DGKB: variants seen among roughly 807,000 people sequenced by gnomAD.
DGKB encodes 90 kDa diacylglycerol kinase.
In DGKB, 67 loss-of-function variants were observed where a neutral mutation model predicts 114.3. The observed-to-expected ratio is 0.59, with a 90% CI of 0.48 to 0.72. DGKB has a LOEUF of 0.72. Ranked by LOEUF, DGKB falls within the 30% of genes least tolerant of loss-of-function variation. DGKB has a pLI of 0.00. For synonymous variants in DGKB, 398 were observed against 323.1 expected, an observed-to-expected ratio of 1.23 and a Z score of -2.49; for missense variants, 907 against 975.2, an observed-to-expected ratio of 0.93 and a Z score of 0.93.
chr7:14,390,220 A>G (rs1821109646), intron 21 of DGKB, among the ~76,000 whole-genome samples: 1 of 152,172 alleles, frequency 6.6e-6, no homozygotes, highest in Non-Finnish European at 1.5e-5. Flanking sequence ...TTTTATTTAA[A>G]TACTCCTGTG....
intron 2 of DGKB, among the ~76,000 whole-genome samples, chr7:14,810,716 CGT>C (rs145699939): frequency 0.062 from 9,363 of 152,118 alleles, 361 homozygotes; most frequent in South Asian, 0.091. Context: ...TCAAGCGATT[CGT>C]GTGTCCCAGC....
chr7:14,603,750 A>T (rs1353779088), intron 17 of DGKB, among the ~76,000 whole-genome samples: 1 of 152,146 alleles, frequency 6.6e-6, no homozygotes, highest in Admixed American at 6.5e-5. Flanking sequence ...ATTCTTAATT[A>T]TCCTGATCAA....
chr7:14,191,456 G>T, intron 23 of DGKB: 1 of 177,918 alleles, frequency 5.6e-6, no homozygotes, highest in South Asian at 1.5e-4. Context: ...AATGCCAGTG[G>T]AACTATGTTG....
intron 23 of DGKB, among the ~76,000 whole-genome samples, chr7:14,277,022 T>A (rs79458928): frequency 6.6e-6 from 1 of 152,074 alleles, no homozygotes; most frequent in Non-Finnish European, 1.5e-5. Context: ...AAATATAAGA[T>A]ATATTATTAT....
At chr7:14,506,420 A>G (rs1274054173) in intron 20 of DGKB, among the ~76,000 whole-genome samples, 2 of 152,202 alleles carry the variant, frequency 1.3e-5, no homozygotes, top group African/African-American at 2.4e-5. Flanking sequence ...GCTATAAAAC[A>G]TTTATTAAAA....
intron 25 of DGKB, among the ~76,000 whole-genome samples, chr7:14,156,098 G>A (rs78726632): frequency 6.6e-6 from 1 of 152,070 alleles, no homozygotes; most frequent in Non-Finnish European, 1.5e-5. Context: ...ACTGAAAGAA[G>A]TGCTATCATA....
chr7:14,715,118 G>A (rs9784967), intron 6 of DGKB, among the ~76,000 whole-genome samples: 1 of 151,884 alleles, frequency 6.6e-6, no homozygotes, highest in Non-Finnish European at 1.5e-5. Flanking sequence ...CTGAGACAGT[G>A]AATTCTCAAC....
intron 1 of DGKB, among the ~76,000 whole-genome samples, chr7:14,960,383 C>A (rs1339009850): frequency 6.6e-6 from 1 of 151,544 alleles, no homozygotes; most frequent in Non-Finnish European, 1.5e-5. Flanking sequence ...TTTTAATGAA[C>A]CAAATATATT....
intron 2 of DGKB, among the ~76,000 whole-genome samples, chr7:14,760,481 T>C (rs1008581901): frequency 6.6e-6 from 1 of 152,108 alleles, no homozygotes; most frequent in Non-Finnish European, 1.5e-5. Flanking sequence ...AAAAGAGACA[T>C]GAAGCTGACC....
intron 21 of DGKB, among the ~76,000 whole-genome samples, chr7:14,403,971 A>C (rs1823543583): frequency 6.6e-6 from 1 of 151,858 alleles, no homozygotes. Context: ...TTCCTTAGGC[A>C]CCAGAATAAA....
intron 2 of DGKB, among the ~76,000 whole-genome samples, chr7:14,813,611 T>C (rs1843712144): frequency 6.6e-6 from 1 of 152,198 alleles, no homozygotes; most frequent in African/African-American, 2.4e-5. Context: ...TATTTTTAAC[T>C]CAAAATTAAA....
chr7:14,198,085 A>G (rs151211779), intron 23 of DGKB, among the ~76,000 whole-genome samples: 76 of 152,220 alleles, frequency 5.0e-4, no homozygotes, highest in African/African-American at 1.8e-3. Flanking sequence ...TTGCCTCAGC[A>G]AAGGATTGAA....
chr7:14,922,804 T>C (rs1229003881), intron 1 of DGKB, among the ~76,000 whole-genome samples: 1 of 152,150 alleles, frequency 6.6e-6, no homozygotes, highest in African/African-American at 2.4e-5. Context: ...TGAAGATACA[T>C]TGAGTCAAGC....
At chr7:14,837,252 T>C (rs1043470260) in intron 2 of DGKB, among the ~76,000 whole-genome samples, 2 of 152,138 alleles carry the variant, frequency 1.3e-5, no homozygotes, top group African/African-American at 4.8e-5. Context: ...ACCCTACTTA[T>C]CCTTAATTAT....
At chr7:14,916,019 A>G (rs1330420233) in intron 1 of DGKB, among the ~76,000 whole-genome samples, 3 of 152,088 alleles carry the variant, frequency 2.0e-5, no homozygotes, top group African/African-American at 4.8e-5. Flanking sequence ...TAGTTTATGG[A>G]TAAGTAAGAT....
At chr7:14,289,890 T>C (rs540371856) in intron 23 of DGKB, among the ~76,000 whole-genome samples, 2 of 152,246 alleles carry the variant, frequency 1.3e-5, no homozygotes, top group African/African-American at 4.8e-5. Context: ...TCATCATTAG[T>C]AAGAGGAAAA....
intron 2 of DGKB, among the ~76,000 whole-genome samples, chr7:14,812,465 G>T (rs911130904): frequency 6.6e-6 from 1 of 152,000 alleles, no homozygotes; most frequent in African/African-American, 2.4e-5. Context: ...ATTCACTCAC[G>T]TGGACATTTA....
intron 1 of DGKB, among the ~76,000 whole-genome samples, chr7:14,873,957 T>A (rs969660452): frequency 6.6e-6 from 1 of 152,076 alleles, no homozygotes; most frequent in African/African-American, 2.4e-5. Flanking sequence ...AACATAAAAA[T>A]AGAATGCTGT....
At chr7:14,536,563 A>T (rs112036385) in intron 20 of DGKB, among the ~76,000 whole-genome samples, 4,557 of 152,290 alleles carry the variant, frequency 0.03, 100 homozygotes, top group Non-Finnish European at 0.042. Flanking sequence ...AAGGAGAATA[A>T]CCACAAAACA....
Sources: allele counts gnomAD v4.1 joint callset (sites outside exome capture counted in the v4.1 genomes callset), GRCh38; gene constraint gnomAD v4.1.1; transcripts MANE v1.5; gene names NCBI Gene and HGNC (gene_info 2026-07-23, HGNC 2026-07-21).